Variants in HADHA observed in about 807,000 individuals in gnomAD.
HADHA encodes the protein trifunctional enzyme subunit alpha, mitochondrial.
A neutral mutation model predicts 91.3 loss-of-function variants in HADHA; 59 were observed. That is an observed-to-expected ratio of 0.65 (90% CI 0.52 to 0.80). The LOEUF (loss-of-function observed/expected upper bound fraction) is 0.80. Among genes scored for constraint, HADHA ranks in the 30% least tolerant of loss-of-function variants. The pLI is 0.00. For synonymous variants in HADHA, 320 were observed against 338.9 expected (o/e 0.94, Z 0.61); for missense variants, 800 against 927.6 (o/e 0.86, Z 1.79).
chr2:26,223,920 T>C (rs1176576592), intron 7 of HADHA, among the ~76,000 whole-genome samples: 1 of 152,138 alleles, frequency 6.6e-6, no homozygotes, highest in Non-Finnish European at 1.5e-5. Context: ...CTAATTTTCG[T>C]ATTTTTAGTG....
chr2:26,192,209 C>T (rs1669527138), intron 18 of HADHA, 101 bp downstream of exon 18: 2 of 704,548 alleles, frequency 2.8e-6, no homozygotes, highest in Admixed American at 2.1e-5. Flanking sequence ...TATCCCAGGA[C>T]TTAAAGTATT....
At chr2:26,205,905 G>T (rs949085588) in intron 11 of HADHA, among the ~76,000 whole-genome samples, 3 of 152,106 alleles carry the variant, frequency 2.0e-5, no homozygotes, top group Admixed American at 6.6e-5. Flanking sequence ...GATACTACTG[G>T]AAAAACAGAA....
rs142032052 is a variant in HADHA, at chr2:26,216,960, G to A, written c.677-1785C>T. On this transcript the variant is annotated intron_variant, in intron 7 of 19. Transcript: ENST00000380649. ...TAGCCAGGAGACAGATCAATAAATA[G>A]ACACAGATTCAGAAATGAAAAAAAT... is the stretch of plus-strand genomic sequence containing the variant. 3.1e-3 allele frequency among the ~76,000 whole-genome samples: 473 copies of A among 152,242 alleles called. 1 individual carries two copies. Among genetic ancestry groups the A allele is most frequent in the African/African-American group, 0.011 (459 of 41,536 alleles).
chr2:26,194,837 T>C (rs1389242256), intron 15 of HADHA, among the ~76,000 whole-genome samples, 199 bp from the exon 16 acceptor site: 1 of 151,946 alleles, frequency 6.6e-6, no homozygotes, highest in Non-Finnish European at 1.5e-5. Context: ...AATCAAACAG[T>C]ACAGCAGATA....
chr2:26,234,918 T>C (rs969042062), intron 4 of HADHA, among the ~76,000 whole-genome samples: 8 of 152,324 alleles, frequency 5.3e-5, no homozygotes, highest in South Asian at 4.1e-4. Flanking sequence ...CATTTCACTA[T>C]CAGGTAGTTA....
chr2:26,193,562 C>G lies in HADHA; in HGVS notation c.1885+15G>C. The G allele has an allele frequency of 6.2e-7, 1 of 1,602,838 alleles. No individual in the cohort carries two copies. ...TAACTAATGGTGCTAGTTATGTTTCCTTGAGGCTACTCACCTAGGAAGCCC... is the reference window on the plus strand; with the variant it reads ...TAACTAATGGTGCTAGTTATGTTTCGTTGAGGCTACTCACCTAGGAAGCCC... On this transcript the variant is annotated intron_variant, in intron 17 of 19. Transcript: ENST00000380649.
chr2:26,191,068 G>C lies in HADHA; in HGVS notation c.*182C>G, dbSNP rs1013194171. The C allele has an allele frequency of 1.5e-6, 1 of 670,360 alleles. No homozygotes were observed. The highest frequency in any genetic ancestry group is 2.7e-6 in the Non-Finnish European group (1 of 373,666). The allele number at this position is 670,360 out of a possible 1,614,324, so 41.5% of individuals were successfully genotyped here. A position where few individuals can be genotyped will look rare whatever the true frequency, so the allele number is the denominator to read the frequency against. ...TCCAACAGGAAGTGCAAACTAATTC[G>C]AAGTCACACTTCACCAGGAGGGAGA... On this transcript the variant is annotated 3_prime_UTR_variant, in exon 20 of 20. Coordinates refer to ENST00000380649, the MANE Select transcript of HADHA (RefSeq NM_000182.5).
At chr2:26,218,737 G>A (rs1173075056) in intron 7 of HADHA, among the ~76,000 whole-genome samples, 8 of 151,928 alleles carry the variant, frequency 5.3e-5, no homozygotes, top group African/African-American at 1.2e-4. Flanking sequence ...GGCCAGGTGT[G>A]GTGGCTCACA....
intron 7 of HADHA, among the ~76,000 whole-genome samples, chr2:26,222,737 G>GGAATTCACTTCTCAAA (rs1024002212): frequency 2.0e-5 from 3 of 152,092 alleles, no homozygotes; most frequent in Non-Finnish European, 2.9e-5. Flanking sequence ...TTCTTATCAA[G>GGAATTCACTTCTCAAA]GAATTCACTT....
In HADHA at chr2:26,191,233, C is replaced by G; in HGVS notation, c.*17G>C. 1.9e-6 allele frequency: 3 copies of G among 1,611,452 alleles called. No individual in the cohort carries two copies. The highest frequency in any genetic ancestry group is 2.5e-6 in the Non-Finnish European group (3 of 1,179,264). On this transcript the variant is annotated 3_prime_UTR_variant, in exon 20 of 20. Transcript: ENST00000380649. ...AGCTGGGGTTAGTGCACTGACTGAG[C>G]GAGGCATGAGGCCTGCTCACTGGTA...
intron 4 of HADHA, 141 bp from the exon 5 acceptor site, chr2:26,234,496 T>G: frequency 1.3e-6 from 1 of 772,538 alleles, no homozygotes; most frequent in Non-Finnish European, 2.2e-6. Flanking sequence ...AAGAATGATT[T>G]TGCTTCAAAT....
chr2:26,214,661 C>G lies in HADHA; in HGVS notation c.800-100G>C, dbSNP rs780351064. 2 of 738,124 alleles carry G rather than the reference C, an allele frequency of 2.7e-6. No homozygotes were observed. Among genetic ancestry groups the G allele is most frequent in the Non-Finnish European group, 4.9e-6 (2 of 407,270 alleles). The allele number at this position is 738,124 out of a possible 1,614,324, so 45.7% of individuals were successfully genotyped here. On this transcript the variant is annotated intron_variant, in intron 8 of 19. Transcript: ENST00000380649. This position sits in a 1 kb window ranked among gnomAD's most constrained non-coding sequence, Gnocchi z 4.1. ...ATAAAAATGAAGTAATTCTAGCTAT[C>G]TGCAAGAACTGCTCTTTATTCTGAT...
In HADHA at chr2:26,225,028, C is replaced by T. The variant is rs567938009; in HGVS notation, c.676+5164G>A. Among the ~76,000 whole-genome samples, 14 of 152,234 alleles carry T rather than the reference C, an allele frequency of 9.2e-5. No homozygotes were observed. The South Asian group carries it at 1.2e-3, about 14-fold the overall frequency. ...TTATTTGAAAGACACAAACTACTAT[C>T]GTAGCTTACTCTAGAATGGAGAACC... On this transcript the variant is annotated intron_variant, in intron 7 of 19. Coordinates refer to ENST00000380649, the MANE Select transcript of HADHA (RefSeq NM_000182.5).
At chr2:26,213,308 GTT>G (rs1317783746) in intron 9 of HADHA, among the ~76,000 whole-genome samples, 1 of 152,208 alleles carries the variant, frequency 6.6e-6, no homozygotes. Flanking sequence ...TATCAGGACA[GTT>G]TTGCTAATTC....
rs540160042 is a variant in HADHA, at chr2:26,215,474, T to G, written c.677-299A>C. Among the ~76,000 whole-genome samples, 221 of 152,316 alleles carry G rather than the reference T, an allele frequency of 1.5e-3. 1 individual carries two copies. The highest frequency in any genetic ancestry group is 5.1e-3 in the African/African-American group (214 of 41,576). On this transcript the variant is annotated intron_variant, in intron 7 of 19. Transcript: ENST00000380649. ...GGAATGCATTATGTCTACTGCAACC[T>G]GCATTCTTGCTGCAAAACTGGAAAG...
At chr2:26,213,697 TA>T (rs1670154954) in intron 9 of HADHA, among the ~76,000 whole-genome samples, 1 of 152,214 alleles carries the variant, frequency 6.6e-6, no homozygotes, top group African/African-American at 2.4e-5. Context: ...CATCTGGCAT[TA>T]ATCTTATGCT....
rs142401180 is a variant in HADHA at position 26,193,786 on chromosome 2, G to A, written c.1690-14C>T. On this transcript the variant is annotated splice_polypyrimidine_tract_variant and intron_variant, in intron 16 of 19. Coordinates refer to ENST00000380649, the MANE Select transcript of HADHA (RefSeq NM_000182.5). ...GTCAACTCCTTCCTGAACAGGAAGC[G>A]ATGCAGGGACCTCAGGGGAAGGGCA... 1.3e-4 allele frequency: 217 copies of A among 1,608,728 alleles called. No individual in the cohort carries two copies. The East Asian group carries it at 4.5e-3, about 33-fold the overall frequency.
In HADHA at chr2:26,230,319, T is replaced by C. The variant is rs781745959; in HGVS notation, c.574-25A>G. 2.1e-5 allele frequency: 28 copies of C among 1,340,032 alleles called. 1 individual carries two copies. The South Asian group carries it at 3.0e-4, about 15-fold the overall frequency. The allele number at this position is 1,340,032 out of a possible 1,614,324, so 83.0% of individuals were successfully genotyped here. On this transcript the variant is annotated intron_variant, in intron 6 of 19. Transcript: ENST00000380649. ...CCTAACAGGCAAGCAAGGATGAGAA[T>C]ATAGGGGGAAAAAAATCAGGGTGAT...
At chr2:26,208,209 GTCT>G (rs1016984095) in intron 11 of HADHA, among the ~76,000 whole-genome samples, 19 of 152,046 alleles carry the variant, frequency 1.2e-4, no homozygotes, top group African/African-American at 3.9e-4. Flanking sequence ...TTCTGTTATA[GTCT>G]TCTTCTGCAT....
Sources: allele counts gnomAD v4.1 joint callset (sites outside exome capture counted in the v4.1 genomes callset), GRCh38; gene constraint gnomAD v4.1.1; non-coding constraint Gnocchi (gnomAD v3.1); transcripts MANE v1.5; gene names NCBI Gene and HGNC (gene_info 2026-07-23, HGNC 2026-07-21).